Variants in TSPAN5 observed in about 807,000 individuals in gnomAD.
TSPAN5 encodes tetraspanin 5.
TSPAN5 carries 10 observed loss-of-function variants against 37.1 expected under a neutral mutation model. The observed-to-expected ratio is 0.27, with a 90% CI of 0.17 to 0.46. The LOEUF (loss-of-function observed/expected upper bound fraction) is 0.46, where lower values mean the gene tolerates loss of function less well. Among genes scored for constraint, TSPAN5 ranks in the 20% least tolerant of loss-of-function variants. The probability of loss-of-function intolerance (pLI) is 1.00; values close to 1 mark genes in which losing one functional copy is unlikely to be tolerated. For missense variants in TSPAN5, 195 were observed against 326.6 expected, an observed-to-expected ratio of 0.60 and a Z score of 3.11; for synonymous variants, 110 against 118.9, an observed-to-expected ratio of 0.93 and a Z score of 0.48.
intron 1 of TSPAN5, among the ~76,000 whole-genome samples, chr4:98,648,143 G>T (rs1403733520): frequency 6.6e-6 from 1 of 152,198 alleles, no homozygotes; most frequent in African/African-American, 2.4e-5. Flanking sequence ...AACTGTCTTT[G>T]TGACAGTGCT....
intron 1 of TSPAN5, among the ~76,000 whole-genome samples, chr4:98,624,357 C>T (rs1214725825): frequency 6.6e-6 from 1 of 151,770 alleles, no homozygotes. Flanking sequence ...AACATTATTG[C>T]CAAGTACAGA....
At chr4:98,649,084 T>G (rs1291726384) in intron 1 of TSPAN5, among the ~76,000 whole-genome samples, 6 of 152,206 alleles carry the variant, frequency 3.9e-5, no homozygotes, top group Non-Finnish European at 8.8e-5. Context: ...GAGTAATTTT[T>G]TTAAAAATGT....
At chr4:98,624,852 GC>G (rs1756559500) in intron 1 of TSPAN5, among the ~76,000 whole-genome samples, 1 of 152,156 alleles carries the variant, frequency 6.6e-6, no homozygotes, top group Admixed American at 6.5e-5. Context: ...AGTGATGGCA[GC>G]CTACTTCCAG....
At chr4:98,517,981 T>C (rs1753771591) in intron 1 of TSPAN5, among the ~76,000 whole-genome samples, 1 of 152,204 alleles carries the variant, frequency 6.6e-6, no homozygotes. Flanking sequence ...TCAGCCTTTG[T>C]AGGAATAAAC....
intron 2 of TSPAN5, among the ~76,000 whole-genome samples, chr4:98,497,714 GT>G (rs11344075): frequency 0.84 from 127,165 of 152,126 alleles, 53,454 homozygotes; most frequent in African/African-American, 0.9. Context: ...TCAGTCAAGG[GT>G]TATTTCTAGC....
intron 1 of TSPAN5, among the ~76,000 whole-genome samples, chr4:98,631,673 T>C (rs1756751723): frequency 6.6e-6 from 1 of 152,140 alleles, no homozygotes; most frequent in South Asian, 2.1e-4. Flanking sequence ...GGCTATAGGA[T>C]CTGATAAAAA....
chr4:98,628,386 A>G (rs1283438199), intron 1 of TSPAN5, among the ~76,000 whole-genome samples: 1 of 152,250 alleles, frequency 6.6e-6, no homozygotes, highest in Non-Finnish European at 1.5e-5. Context: ...TGACAACAGG[A>G]GCATCTATAG....
At chr4:98,535,408 G>A (rs1754208173) in intron 1 of TSPAN5, among the ~76,000 whole-genome samples, 1 of 152,216 alleles carries the variant, frequency 6.6e-6, no homozygotes, top group African/African-American at 2.4e-5. Context: ...TCCACTGTTA[G>A]TCTGATGGGC....
At chr4:98,646,222 T>C (rs1411187835) in intron 1 of TSPAN5, among the ~76,000 whole-genome samples, 1 of 152,124 alleles carries the variant, frequency 6.6e-6, no homozygotes, top group Non-Finnish European at 1.5e-5. Context: ...TCCAAAATCC[T>C]AGCTCTGCAT....
rs144002521 is a variant in TSPAN5, at chr4:98,620,120, G to C, written c.81+38026C>G. ...CTATGTCCCCTCACTCATGAATATG[G>C]GCAGCCTTATGACAGCTTAACCAAT... On this transcript the variant is annotated intron_variant, in intron 1 of 7. Coordinates refer to ENST00000305798, the MANE Select transcript of TSPAN5 (RefSeq NM_005723.4). Among the ~76,000 whole-genome samples the C allele has an allele frequency of 9.0e-3, 1,374 of 152,086 alleles. 25 individuals are homozygous for C. Among genetic ancestry groups the C allele is most frequent in the African/African-American group, 0.031 (1,283 of 41,448 alleles).
intron 1 of TSPAN5, among the ~76,000 whole-genome samples, chr4:98,586,570 A>G (rs1755492207): frequency 6.6e-6 from 1 of 152,210 alleles, no homozygotes; most frequent in African/African-American, 2.4e-5. Flanking sequence ...TTTTTCCTCC[A>G]TTTACCCTAG....
chr4:98,623,018 A>T (rs1435290437), intron 1 of TSPAN5, among the ~76,000 whole-genome samples: 1 of 152,238 alleles, frequency 6.6e-6, no homozygotes, highest in Non-Finnish European at 1.5e-5. Context: ...TTTTAACAAA[A>T]AAGGATAAAC....
Position 98,479,443 on chromosome 4 carries a change from C to A in TSPAN5, c.451-633G>T, listed in dbSNP as rs1039548626. 2.6e-5 allele frequency among the ~76,000 whole-genome samples: 4 copies of A among 152,128 alleles called. No individual in the cohort carries two copies. In the East Asian group the frequency reaches 7.7e-4, roughly 29 times the overall value. ...AGCCAACAGTGCGTGATGTGCTTCC[C>A]CCTGCAGAGAGCCTATGAATGGACG... On this transcript the variant is annotated intron_variant, in intron 4 of 7. Coordinates refer to ENST00000305798, the MANE Select transcript of TSPAN5 (RefSeq NM_005723.4).
At chr4:98,498,867 G>A (rs1293641500) in intron 2 of TSPAN5, among the ~76,000 whole-genome samples, 1 of 152,168 alleles carries the variant, frequency 6.6e-6, no homozygotes, top group East Asian at 1.9e-4. Flanking sequence ...AAGTAGGTGA[G>A]GACAGGCAAT....
intron 1 of TSPAN5, among the ~76,000 whole-genome samples, chr4:98,567,555 T>G (rs1026494534): frequency 2.0e-5 from 3 of 152,226 alleles, no homozygotes; most frequent in Non-Finnish European, 4.4e-5. Context: ...ATGCCTTTTT[T>G]CAGTGGTTCG....
intron 1 of TSPAN5, among the ~76,000 whole-genome samples, chr4:98,651,703 A>G (rs1450737060): frequency 2.0e-5 from 3 of 152,174 alleles, no homozygotes; most frequent in African/African-American, 7.2e-5. Context: ...GATAACATCT[A>G]GTTTGAACAG....
intron 6 of TSPAN5, 28 bp downstream of exon 6, chr4:98,476,385 C>G: frequency 6.2e-7 from 1 of 1,614,178 alleles, no homozygotes; most frequent in Non-Finnish European, 8.5e-7. Context: ...ACCCTTCGTG[C>G]TAAGCAACAA....
At chr4:98,514,253 T>C (rs898159624) in intron 1 of TSPAN5, among the ~76,000 whole-genome samples, 8 of 152,220 alleles carry the variant, frequency 5.3e-5, no homozygotes, top group African/African-American at 1.9e-4. Flanking sequence ...AGGAAAGTTG[T>C]ATTTTCCTGA....
At chr4:98,550,766 A>C (rs1754597833) in intron 1 of TSPAN5, among the ~76,000 whole-genome samples, 1 of 152,154 alleles carries the variant, frequency 6.6e-6, no homozygotes, top group East Asian at 1.9e-4. Context: ...ATCAAATCTA[A>C]GAGTTTTTTG....
Sources: gnomAD v4.1 joint callset for allele counts (sites outside exome capture counted in the v4.1 genomes callset) on GRCh38, gnomAD v4.1.1 for gene constraint, MANE v1.5 for transcripts, NCBI Gene and HGNC (gene_info 2026-07-23, HGNC 2026-07-21) for gene names.